The following HSDL2 variants were observed in gnomAD, a reference collection of about 807,000 sequenced individuals.
The protein encoded by HSDL2 is hydroxysteroid dehydrogenase like 2, also known as hydroxysteroid dehydrogenase-like protein 2.
Under a neutral mutation model 46.3 loss-of-function variants are expected in HSDL2, and 27 were observed. That is an observed-to-expected ratio of 0.58 (90% CI 0.43 to 0.80). HSDL2 has a LOEUF of 0.80. HSDL2 is among the 30% of genes least tolerant of loss of function. HSDL2 has a pLI of 0.00. For missense variants in HSDL2, 451 were observed against 502.7 expected, an observed-to-expected ratio of 0.90 and a Z score of 0.98; for synonymous variants, 153 against 163.6, an observed-to-expected ratio of 0.94 and a Z score of 0.50.
chr9:112,382,754 G>A (rs781256361), intron 1 of HSDL2, among the ~76,000 whole-genome samples: 11 of 152,132 alleles, frequency 7.2e-5, no homozygotes, highest in Non-Finnish European at 1.3e-4. Context: ...GAGGTTTTTC[G>A]TTAATCTCTG....
chr9:112,393,339 G>A (rs952124940), intron 1 of HSDL2, among the ~76,000 whole-genome samples: 14 of 152,206 alleles, frequency 9.2e-5, no homozygotes, highest in Admixed American at 7.2e-4. Context: ...TGACTCATCA[G>A]TCTCATTGTA....
At chr9:112,409,391 A>AT (rs1831808131) in intron 4 of HSDL2, among the ~76,000 whole-genome samples, 1 of 151,942 alleles carries the variant, frequency 6.6e-6, no homozygotes, top group Non-Finnish European at 1.5e-5. Context: ...GGGTTTTACC[A>AT]TGTTGGCCAG....
At chr9:112,440,981 C>G (rs1832625095) in intron 7 of HSDL2, among the ~76,000 whole-genome samples, 2 of 152,068 alleles carry the variant, frequency 1.3e-5, no homozygotes, top group Non-Finnish European at 2.9e-5. Context: ...GCACTCAAGC[C>G]TGGGTGACAG....
At chr9:112,453,639 C>T (rs1007751951) in intron 8 of HSDL2, among the ~76,000 whole-genome samples, 8 of 152,248 alleles carry the variant, frequency 5.3e-5, no homozygotes, top group Non-Finnish European at 1.0e-4. Flanking sequence ...GTGATCCACC[C>T]GCCTTGGCCT....
chr9:112,426,088 T>C (rs1026479839), intron 6 of HSDL2, among the ~76,000 whole-genome samples: 4 of 152,138 alleles, frequency 2.6e-5, no homozygotes, highest in African/African-American at 9.7e-5. Flanking sequence ...GTATTTAAAA[T>C]TATTCAGTTT....
chr9:112,393,110 C>T (rs1251596695), intron 1 of HSDL2, among the ~76,000 whole-genome samples: 3 of 152,164 alleles, frequency 2.0e-5, no homozygotes, highest in Non-Finnish European at 2.9e-5. Context: ...AACAGAGAAA[C>T]ATGATTCCAA....
chr9:112,403,909 A>G, intron 1 of HSDL2, 86 bp from the exon 2 acceptor site: 1 of 1,373,240 alleles, frequency 7.3e-7, no homozygotes. Context: ...GGAAACATAT[A>G]TTATGAAAAT....
intron 6 of HSDL2, among the ~76,000 whole-genome samples, chr9:112,430,700 T>C (rs7048192): frequency 0.041 from 6,199 of 152,148 alleles, 473 homozygotes; most frequent in African/African-American, 0.14. Flanking sequence ...GAACCAACAG[T>C]ATCTGCTGAT....
chr9:112,449,442 G>A (rs187557151), intron 8 of HSDL2, among the ~76,000 whole-genome samples: 103 of 152,066 alleles, frequency 6.8e-4, no homozygotes, highest in Non-Finnish European at 1.3e-3. Context: ...TGCTGATTTT[G>A]TGTTATCTTA....
chr9:112,459,540 G>A lies in HSDL2; in HGVS notation c.1107G>A (p.Met369Ile), dbSNP rs1237848310. Residue 369 changes from methionine to isoleucine, a missense_variant, in exon 10 of 11, where the codon ATG (methionine) becomes ATA (isoleucine). Transcript: ENST00000398805. ...GEPSDQADVV[M>I]SMTTDDFVKM... ...CTTCTGATCAGGCAGATGTGGTGAT[G>A]AGTATGACTACTGATGACTTTGTAA... 2.5e-6 allele frequency: 4 copies of A among 1,613,682 alleles called. No individual in the cohort carries two copies. In the African/African-American group the frequency reaches 4.0e-5, roughly 16 times the overall value.
chr9:112,399,959 A>G (rs929441338), intron 1 of HSDL2, among the ~76,000 whole-genome samples: 4 of 152,216 alleles, frequency 2.6e-5, no homozygotes, highest in Non-Finnish European at 5.9e-5. Context: ...AGATAACAGG[A>G]TTAAGAGATT....
intron 8 of HSDL2, among the ~76,000 whole-genome samples, chr9:112,452,798 G>C (rs1832918981): frequency 6.6e-6 from 1 of 152,136 alleles, no homozygotes; most frequent in African/African-American, 2.4e-5. Flanking sequence ...TGATATGGGA[G>C]CAAAGCAGTC....
At chr9:112,443,823 G>GTGC (rs1429053216) in intron 8 of HSDL2, among the ~76,000 whole-genome samples, 2 of 152,226 alleles carry the variant, frequency 1.3e-5, no homozygotes, top group African/African-American at 4.8e-5. Flanking sequence ...AAACATGTAG[G>GTGC]TGCTTGATCA....
chr9:112,397,689 C>T lies in HSDL2; in HGVS notation c.18-6306C>T, dbSNP rs143595093. ...AGCCCAATTTAGCTGAGCCTGCAGACGGGCCTCCTCTCACCACCAGGTACG... is the reference window on the plus strand; with the variant it reads ...AGCCCAATTTAGCTGAGCCTGCAGATGGGCCTCCTCTCACCACCAGGTACG... On this transcript the variant is annotated intron_variant, in intron 1 of 10. Transcript: ENST00000398805. Among the ~76,000 whole-genome samples, 9 of 152,214 alleles carry T rather than the reference C, an allele frequency of 5.9e-5. No individual in the cohort carries two copies. In the East Asian group the frequency reaches 1.4e-3, roughly 23 times the overall value.
chr9:112,426,234 C>CTTTTTT (rs71382430), intron 6 of HSDL2, among the ~76,000 whole-genome samples: 3 of 95,772 alleles, frequency 3.1e-5, no homozygotes, highest in Admixed American at 1.2e-4. Context: ...GGTAAGCCTT[C>CTTTTTT]TTTTTTTTTT....
intron 7 of HSDL2, among the ~76,000 whole-genome samples, chr9:112,439,624 A>C (rs1031283367): frequency 3.3e-5 from 5 of 152,222 alleles, no homozygotes; most frequent in Non-Finnish European, 5.9e-5. Context: ...TGAGCTTCTA[A>C]ATGACACAAA....
chr9:112,438,503 T>C lies in HSDL2; in HGVS notation c.671T>C (p.Ile224Thr). ...IESQCRKVDI[I>T]ADAAYSIFQK... ...AGCCAGTGTAGAAAAGTTGATATCA[T>C]TGCAGATGCAGCATATTCCATTTTC... Residue 224 changes from isoleucine to threonine, a missense_variant, in exon 7 of 11, where the codon ATT becomes ACT. Coordinates refer to ENST00000398805, the MANE Select transcript of HSDL2 (RefSeq NM_032303.5). 1 of 1,612,758 alleles carries C rather than the reference T, an allele frequency of 6.2e-7. No individual in the cohort carries two copies.
chr9:112,462,323 G>A (rs570322153), intron 10 of HSDL2, among the ~76,000 whole-genome samples: 1 of 152,266 alleles, frequency 6.6e-6, no homozygotes, highest in South Asian at 2.1e-4. Context: ...AATTAGCCGG[G>A]TGTGGTGGCA....
At chr9:112,397,086 A>G (rs1327560600) in intron 1 of HSDL2, among the ~76,000 whole-genome samples, 1 of 152,168 alleles carries the variant, frequency 6.6e-6, no homozygotes, top group African/African-American at 2.4e-5. Flanking sequence ...TAGCAGGAGC[A>G]TTTGGCTGTG....
Sources: allele counts gnomAD v4.1 joint callset (sites outside exome capture counted in the v4.1 genomes callset), GRCh38; gene constraint gnomAD v4.1.1; transcripts MANE v1.5; gene names NCBI Gene and HGNC (gene_info 2026-07-23, HGNC 2026-07-21).